FABP7: variants seen among roughly 807,000 people sequenced by gnomAD.
The protein encoded by FABP7 is fatty acid binding protein 7, also known as fatty acid-binding protein, brain.
A neutral mutation model predicts 14.2 loss-of-function variants in FABP7; 13 were observed. The ratio of observed to expected loss-of-function variants is 0.91; its 90% CI spans 0.59 to 1.45. The LOEUF (loss-of-function observed/expected upper bound fraction) is 1.45, where lower values mean the gene tolerates loss of function less well. FABP7 is among the 40% of genes most tolerant of loss of function. FABP7 has a pLI of 0.00. For missense variants in FABP7, 149 were observed against 157.6 expected (o/e 0.95, Z 0.29); for synonymous variants, 49 against 51.4 (o/e 0.95, Z 0.20).
chr6:122,779,197 G>A (rs1350764899), upstream of FABP7, among the ~76,000 whole-genome samples: 3 of 152,038 alleles, frequency 2.0e-5, no homozygotes, highest in African/African-American at 7.2e-5. Flanking sequence ...ACTCTAGCCT[G>A]CATTTCGCTC....
rs139990122 is a variant in FABP7 at position 122,780,328 on chromosome 6, C to A, written c.111C>A (p.Thr37=). 3 of 1,613,966 alleles carry A rather than the reference C, an allele frequency of 1.9e-6. No individual in the cohort carries two copies. Among genetic ancestry groups the A allele is most frequent in the Admixed American group, 1.7e-5 (1 of 59,990 alleles). ...CCACTAGGCAGGTGGGAAATGTGAC[C>A]AAACCAACGGTAATTATCAGTCAAG... ...GFATRQVGNV[T]KPTVIISQEG... is the part of the protein sequence containing the mutation. Residue 37 remains threonine, a synonymous_variant, in exon 2 of 4, where the codon ACC becomes ACA. Coordinates refer to ENST00000368444, the MANE Select transcript of FABP7 (RefSeq NM_001446.5).
Position 122,779,992 on chromosome 6 carries a change from A to G in FABP7, c.73+125A>G, listed in dbSNP as rs183487695. ...GATCACATTGCCCTGATCAGATGCT[A>G]GGCTATGCATTTTCCACTGAATGGA... On this transcript the variant is annotated intron_variant, in intron 1 of 3. Transcript: ENST00000368444. 47 of 939,056 alleles carry G rather than the reference A, an allele frequency of 5.0e-5. No homozygotes were observed. The Admixed American group carries it at 1.0e-3, about 21-fold the overall frequency. 58.2% of individuals were successfully genotyped at this position (939,056 alleles called of 1,614,324 possible).
In FABP7 at chr6:122,780,459, GTA is replaced by G; in HGVS notation, c.243_244del (p.Cys81Ter). On this transcript the variant is annotated stop_gained and frameshift_variant and splice_region_variant, in exon 2 of 4. Coordinates refer to ENST00000368444, the MANE Select transcript of FABP7 (RefSeq NM_001446.5). LOFTEE classifies it high-confidence loss of function. ...GAAACCACTGCAGATGATAGAAACTGTAAGGTGAGAAACTGCTTCTTCTTCAG... is the reference window on the plus strand; with the variant it reads ...GAAACCACTGCAGATGATAGAAACTGAGGTGAGAAACTGCTTCTTCTTCAG... The G allele has an allele frequency of 6.2e-7, 1 of 1,610,498 alleles. No homozygotes were observed. Among genetic ancestry groups the G allele is most frequent in the Non-Finnish European group, 8.5e-7 (1 of 1,179,174 alleles).
At chr6:122,756,893 T>C in the FABP7 span, among the ~76,000 whole-genome samples, 1 of 152,210 alleles carries the variant, frequency 6.6e-6, no homozygotes, top group African/African-American at 2.4e-5. Context: ...CTCATTTCAC[T>C]GGCCTCTCTT....
intron 3 of FABP7, chr6:122,782,484 C>T (rs1041499925): frequency 8.4e-5 from 81 of 964,340 alleles, no homozygotes; most frequent in Non-Finnish European, 8.8e-5. Flanking sequence ...CTAAATTGAT[C>T]AAATATAAAA....
chr6:122,783,700 T>C lies in FABP7; in HGVS notation c.349-17T>C, dbSNP rs372324623. The C allele has an allele frequency of 1.6e-5, 25 of 1,584,174 alleles. No individual in the cohort carries two copies. The African/African-American group carries it at 3.3e-4, about 21-fold the overall frequency. ...GTTCCTGTATAAAAAGATTTGATTATCTTTTGAACCTTGCAGACCCTTACT... is the reference window on the plus strand; with the variant it reads ...GTTCCTGTATAAAAAGATTTGATTACCTTTTGAACCTTGCAGACCCTTACT... On this transcript the variant is annotated splice_polypyrimidine_tract_variant and intron_variant, in intron 3 of 3. Transcript: ENST00000368444.
chr6:122,781,409 GAA>G, intron 3 of FABP7: 1 of 1,411,586 alleles, frequency 7.1e-7, no homozygotes, highest in Non-Finnish European at 9.3e-7. Flanking sequence ...TTTGATTGTA[GAA>G]AAAGAGAAAA....
chr6:122,782,727 G>T, intron 3 of FABP7: 1 of 985,370 alleles, frequency 1.0e-6, no homozygotes, highest in Non-Finnish European at 1.2e-6. Flanking sequence ...GGGGACTCAT[G>T]TTTCCTTCTC....
chr6:122,771,986 A>G, the FABP7 span, among the ~76,000 whole-genome samples: 7 of 152,248 alleles, frequency 4.6e-5, no homozygotes, highest in Non-Finnish European at 1.0e-4. Context: ...AGATGTTTCA[A>G]GGAACTTGTG....
At chr6:122,774,260 T>A in the FABP7 span, among the ~76,000 whole-genome samples, 1 of 148,774 alleles carries the variant, frequency 6.7e-6, no homozygotes. Context: ...TACTCTGGTG[T>A]CTGAGGCAGG....
chr6:122,781,443 T>A, intron 3 of FABP7: 1 of 1,405,278 alleles, frequency 7.1e-7, no homozygotes, highest in Non-Finnish European at 9.3e-7. Flanking sequence ...GTTAAAAAAA[T>A]AAAAGTTGCC....
chr6:122,761,962 C>T, the FABP7 span, among the ~76,000 whole-genome samples: 37 of 152,118 alleles, frequency 2.4e-4, no homozygotes, highest in African/African-American at 8.9e-4. Context: ...ACCAGAGGTA[C>T]AAAGAAGAGC....
chr6:122,754,916 C>T, the FABP7 span, among the ~76,000 whole-genome samples: 1 of 152,136 alleles, frequency 6.6e-6, no homozygotes, highest in Admixed American at 6.6e-5. Flanking sequence ...ATGTTCTCCA[C>T]CTAAACTCAC....
At chr6:122,750,943 A>G in the FABP7 span, among the ~76,000 whole-genome samples, 1 of 152,278 alleles carries the variant, frequency 6.6e-6, no homozygotes, top group East Asian at 1.9e-4. Flanking sequence ...TTTCATGCCA[A>G]TTATGCTGTT....
At chr6:122,766,843 A>C in the FABP7 span, among the ~76,000 whole-genome samples, 1 of 152,086 alleles carries the variant, frequency 6.6e-6, no homozygotes, top group Non-Finnish European at 1.5e-5. Context: ...AAATACCATT[A>C]ATTGCACGTT....
chr6:122,779,612 C>A (rs192008100), upstream of FABP7: 351 of 613,954 alleles, frequency 5.7e-4, 4 homozygotes, highest in African/African-American at 5.9e-3. Flanking sequence ...TCTGTGACAG[C>A]CTCTTGGAAA....
In FABP7 at chr6:122,781,078, T is replaced by C. The variant is rs760255124; in HGVS notation, c.247-15T>C. ...GTATTTATTGCTATGTTCTGCATTTTGTTGTTGGTCTCAGTCTGTTGTTAG... is the reference window on the plus strand; with the variant it reads ...GTATTTATTGCTATGTTCTGCATTTCGTTGTTGGTCTCAGTCTGTTGTTAG... On this transcript the variant is annotated splice_polypyrimidine_tract_variant and intron_variant, in intron 2 of 3. Coordinates refer to ENST00000368444, the MANE Select transcript of FABP7 (RefSeq NM_001446.5). The C allele has an allele frequency of 6.2e-7, 1 of 1,606,168 alleles. No individual in the cohort carries two copies. The highest frequency in any genetic ancestry group is 1.3e-5 in the African/African-American group (1 of 74,752).
the FABP7 span, among the ~76,000 whole-genome samples, chr6:122,762,397 A>C: frequency 6.6e-6 from 1 of 152,224 alleles, no homozygotes; most frequent in Non-Finnish European, 1.5e-5. Flanking sequence ...ATCTCAAAAT[A>C]ATAAGAGCTA....
chr6:122,775,582 A>G (rs1430752963), upstream of FABP7, among the ~76,000 whole-genome samples: 3 of 152,094 alleles, frequency 2.0e-5, no homozygotes, highest in Admixed American at 2.0e-4. Context: ...TTGGTGAAAT[A>G]CTTCAGGACA....
Sources: gnomAD v4.1 joint callset for allele counts (sites outside exome capture counted in the v4.1 genomes callset) on GRCh38, gnomAD v4.1.1 for gene constraint, MANE v1.5 for transcripts, NCBI Gene and HGNC (gene_info 2026-07-23, HGNC 2026-07-21) for gene names.